Variants in CREB5 observed in about 807,000 individuals in gnomAD.
CREB5 encodes cyclic AMP-responsive element-binding protein 5.
A neutral mutation model predicts 57.1 loss-of-function variants in CREB5; 19 were observed. The observed-to-expected ratio is 0.33, with a 90% CI of 0.23 to 0.49. The LOEUF (loss-of-function observed/expected upper bound fraction) is 0.49, where lower values mean the gene tolerates loss of function less well. Ranked by LOEUF, CREB5 falls within the 20% of genes least tolerant of loss-of-function variation. CREB5 has a pLI of 0.99. For missense variants in CREB5, 579 were observed against 671.6 expected, an observed-to-expected ratio of 0.86 and a Z score of 1.52; for synonymous variants, 238 against 238.3, an observed-to-expected ratio of 1.00 and a Z score of 0.01.
intron 1 of CREB5, among the ~76,000 whole-genome samples, chr7:28,390,049 T>C (rs1787185935): frequency 6.6e-6 from 1 of 151,878 alleles, no homozygotes; most frequent in South Asian, 2.1e-4. Context: ...GGAGGGTTTT[T>C]TTTTTTTTCA....
At chr7:28,580,452 C>CACACAT (rs1191384851) in intron 5 of CREB5, among the ~76,000 whole-genome samples, 2 of 150,652 alleles carry the variant, frequency 1.3e-5, no homozygotes, top group African/African-American at 4.9e-5. Context: ...CACACACACA[C>CACACAT]ACACACACAC....
At chr7:28,624,445 G>A (rs1797922562) in intron 5 of CREB5, among the ~76,000 whole-genome samples, 1 of 152,114 alleles carries the variant, frequency 6.6e-6, no homozygotes, top group Admixed American at 6.6e-5. Flanking sequence ...AAGTAATAAT[G>A]CGTGTGGAAA....
intron 4 of CREB5, among the ~76,000 whole-genome samples, chr7:28,526,724 C>T (rs1442038273): frequency 3.3e-5 from 5 of 152,182 alleles, no homozygotes; most frequent in African/African-American, 4.8e-5. Context: ...GCTGAGAAGC[C>T]GAAAGGCCGA....
chr7:28,405,375 G>A (rs908436369), intron 1 of CREB5, among the ~76,000 whole-genome samples: 1 of 152,152 alleles, frequency 6.6e-6, no homozygotes, highest in African/African-American at 2.4e-5. Context: ...CTTCTCTAGG[G>A]ATATGTTCAT....
At chr7:28,358,343 C>T (rs1319989668) in intron 1 of CREB5, among the ~76,000 whole-genome samples, 1 of 152,216 alleles carries the variant, frequency 6.6e-6, no homozygotes, top group Non-Finnish European at 1.5e-5. Flanking sequence ...GGACCCCAAC[C>T]ATCACACATT....
chr7:28,811,750 T>G (rs908295058), intron 9 of CREB5, among the ~76,000 whole-genome samples: 1 of 152,246 alleles, frequency 6.6e-6, no homozygotes, highest in Non-Finnish European at 1.5e-5. Context: ...ATCTGCAGTT[T>G]CAAAGATATT....
intron 7 of CREB5, among the ~76,000 whole-genome samples, chr7:28,786,356 C>T (rs760603472): frequency 3.9e-5 from 6 of 152,134 alleles, no homozygotes; most frequent in Non-Finnish European, 7.4e-5. Flanking sequence ...AAGCAATTCT[C>T]CTGCCTCAGC....
At chr7:28,580,382 G>GT (rs1181460339) in intron 5 of CREB5, among the ~76,000 whole-genome samples, 1 of 150,176 alleles carries the variant, frequency 6.7e-6, no homozygotes, top group African/African-American at 2.5e-5. Context: ...GTGTGTGTGG[G>GT]GGGGGCATGT....
chr7:28,715,195 T>TA (rs535839826), intron 5 of CREB5, among the ~76,000 whole-genome samples: 69 of 152,256 alleles, frequency 4.5e-4, no homozygotes, highest in Non-Finnish European at 7.4e-4. Context: ...TTTTTTAACA[T>TA]AAAAAATCAA....
At chr7:28,541,603 G>A (rs920225860) in intron 4 of CREB5, among the ~76,000 whole-genome samples, 2 of 152,146 alleles carry the variant, frequency 1.3e-5, no homozygotes, top group African/African-American at 4.8e-5. Context: ...GGAGGCAGAG[G>A]TTGCAGTGAG....
chr7:28,660,934 G>A (rs527467705), intron 5 of CREB5, among the ~76,000 whole-genome samples: 1 of 152,216 alleles, frequency 6.6e-6, no homozygotes, highest in East Asian at 1.9e-4. Flanking sequence ...TGTTTGCCAG[G>A]CCTTGAAGGT....
chr7:28,818,827 T>C, intron 10 of CREB5: 2 of 524,896 alleles, frequency 3.8e-6, no homozygotes, highest in South Asian at 3.1e-5. Flanking sequence ...GGATGGCTAT[T>C]TAAAAAGACA....
At chr7:28,330,466 A>T (rs549339465) in intron 1 of CREB5, among the ~76,000 whole-genome samples, 2 of 134,936 alleles carry the variant, frequency 1.5e-5, no homozygotes, top group Admixed American at 8.1e-5. Context: ...CTCCCTAATG[A>T]TATCCCATAG....
chr7:28,480,312 G>A (rs946453424), intron 1 of CREB5, among the ~76,000 whole-genome samples: 4 of 152,058 alleles, frequency 2.6e-5, no homozygotes, highest in African/African-American at 7.2e-5. Context: ...TTTCCAAAAG[G>A]CAAGCTGCTT....
intron 5 of CREB5, among the ~76,000 whole-genome samples, chr7:28,637,709 G>A (rs926703201): frequency 7.9e-5 from 12 of 152,188 alleles, no homozygotes; most frequent in Admixed American, 5.2e-4. Context: ...AACTTGCACT[G>A]CTTAGTCTGT....
chr7:28,600,264 G>T (rs564685971), intron 5 of CREB5, among the ~76,000 whole-genome samples: 1 of 152,244 alleles, frequency 6.6e-6, no homozygotes, highest in Non-Finnish European at 1.5e-5. Flanking sequence ...GAATTGCTGA[G>T]TAGGAAATGG....
intron 5 of CREB5, among the ~76,000 whole-genome samples, chr7:28,638,242 G>A (rs41313): frequency 0.68 from 101,997 of 150,776 alleles, 35,336 homozygotes; most frequent in African/African-American, 0.83. Flanking sequence ...CATTCAAATT[G>A]CTATCTTAAA....
chr7:28,322,299 T>C (rs2127984469), intron 1 of CREB5, among the ~76,000 whole-genome samples: 1 of 152,288 alleles, frequency 6.6e-6, no homozygotes, highest in Non-Finnish European at 1.5e-5. Flanking sequence ...TTATTTACCT[T>C]AGGTCTTACT....
intron 1 of CREB5, among the ~76,000 whole-genome samples, chr7:28,436,218 C>T (rs1788955799): frequency 6.6e-6 from 1 of 152,044 alleles, no homozygotes; most frequent in Admixed American, 6.6e-5. Context: ...ATGCCTCTTG[C>T]CCTTGTGGCT....
Sources: allele counts gnomAD v4.1 joint callset (sites outside exome capture counted in the v4.1 genomes callset), GRCh38; gene constraint gnomAD v4.1.1; transcripts MANE v1.5; gene names NCBI Gene and HGNC (gene_info 2026-07-23, HGNC 2026-07-21).